Variants in PACRG observed in about 807,000 individuals in gnomAD.
The protein encoded by PACRG is parkin coregulated.
A neutral mutation model predicts 29.7 loss-of-function variants in PACRG; 29 were observed. The observed-to-expected ratio is 0.98, with a 90% CI of 0.73 to 1.33. The LOEUF is 1.33. PACRG is among the 40% of genes most tolerant of loss of function. PACRG has a pLI of 0.00. For synonymous variants in PACRG, 116 were observed against 118.7 expected (o/e 0.98, Z 0.15); for missense variants, 279 against 316.2 (o/e 0.88, Z 0.89).
intron 2 of PACRG, among the ~76,000 whole-genome samples, chr6:163,014,698 T>A (rs903746865): frequency 3.3e-5 from 5 of 152,102 alleles, no homozygotes; most frequent in Admixed American, 2.6e-4. Flanking sequence ...TTAATGGGTT[T>A]ACTTGTTTTT....
chr6:163,146,365 G>A (rs1777804801), intron 4 of PACRG, among the ~76,000 whole-genome samples: 1 of 152,172 alleles, frequency 6.6e-6, no homozygotes, highest in Admixed American at 6.5e-5. Flanking sequence ...AAGTCAAGTT[G>A]ATCATCTGAA....
chr6:163,241,346 A>G (rs1221432485), intron 4 of PACRG, among the ~76,000 whole-genome samples: 1 of 152,232 alleles, frequency 6.6e-6, no homozygotes, highest in African/African-American at 2.4e-5. Context: ...ACACACCAAG[A>G]AAAGCAGAAA....
Position 162,814,169 on chromosome 6 carries a change from G to C in PACRG, c.179G>C (p.Gly60Ala), listed in dbSNP as rs1359782704. The C allele has an allele frequency of 6.2e-7, 1 of 1,612,168 alleles. No individual in the cohort carries two copies. The highest frequency in any genetic ancestry group is 1.1e-5 in the South Asian group (1 of 90,934). Residue 60 changes from glycine to alanine, a missense_variant, in exon 2 of 5, where the codon GGG becomes GCG. By Grantham distance (60) the Gly-to-Ala change is moderately conservative. Transcript: ENST00000366888. The part of the protein sequence containing the change: ...NSVVRGPPAA[G>A]AFKERPTKPT... ...AAGGTGAGAGGCCCTCCAGCTGCAG[G>C]GGCATTTAAAGAAAGACCAACCAAG...
At chr6:163,196,366 C>T (rs1780453445) in intron 4 of PACRG, among the ~76,000 whole-genome samples, 1 of 152,176 alleles carries the variant, frequency 6.6e-6, no homozygotes, top group Non-Finnish European at 1.5e-5. Flanking sequence ...AACATGTATC[C>T]GCTCCAAGAC....
intron 4 of PACRG, among the ~76,000 whole-genome samples, chr6:163,140,183 T>C (rs971703810): frequency 6.6e-6 from 1 of 152,150 alleles, no homozygotes; most frequent in Non-Finnish European, 1.5e-5. Flanking sequence ...CAATGATGGA[T>C]AAACCATTGC....
intron 4 of PACRG, among the ~76,000 whole-genome samples, chr6:163,261,847 G>T (rs1783338210): frequency 6.6e-6 from 1 of 152,160 alleles, no homozygotes; most frequent in Non-Finnish European, 1.5e-5. Context: ...GTTGTGCAGG[G>T]GTTATACGCA....
intron 4 of PACRG, among the ~76,000 whole-genome samples, chr6:163,302,626 A>G (rs73603739): frequency 0.011 from 1,721 of 152,290 alleles, 46 homozygotes; most frequent in African/African-American, 0.04. Flanking sequence ...CCACTCTGTA[A>G]AATATCCAGC....
At chr6:162,962,885 G>A (rs1012342034) in intron 2 of PACRG, among the ~76,000 whole-genome samples, 10 of 152,144 alleles carry the variant, frequency 6.6e-5, no homozygotes, top group Admixed American at 2.0e-4. Flanking sequence ...GACGATGAAC[G>A]TGCCTCTGTT....
intron 2 of PACRG, among the ~76,000 whole-genome samples, chr6:162,995,285 G>T (rs1157085877): frequency 1.3e-5 from 2 of 149,882 alleles, no homozygotes; most frequent in South Asian, 4.3e-4. Flanking sequence ...CGAGCTTCCC[G>T]GCTGCTTTGT....
intron 2 of PACRG, among the ~76,000 whole-genome samples, chr6:162,909,554 CAAAAAA>C (rs562001835): frequency 3.1e-4 from 22 of 70,090 alleles, no homozygotes; most frequent in African/African-American, 1.1e-3. Flanking sequence ...GACTCCATCT[CAAAAAA>C]AAAAAAAAAA....
chr6:162,791,136 A>T (rs28416667), intron 1 of PACRG, among the ~76,000 whole-genome samples: 1 of 152,216 alleles, frequency 6.6e-6, no homozygotes, highest in Non-Finnish European at 1.5e-5. Context: ...ACACAACTCA[A>T]GGTATGTCTT....
chr6:162,941,002 GT>G (rs1293877953), intron 2 of PACRG, among the ~76,000 whole-genome samples: 1 of 151,768 alleles, frequency 6.6e-6, no homozygotes, highest in Non-Finnish European at 1.5e-5. Flanking sequence ...TGGCATGTGT[GT>G]TTGTGTGTGT....
intron 3 of PACRG, among the ~76,000 whole-genome samples, chr6:163,084,709 T>C (rs485054): frequency 0.3 from 45,199 of 151,316 alleles, 7,303 homozygotes; most frequent in East Asian, 0.57. Flanking sequence ...CTAATCTATG[T>C]CCTAATAGTT....
chr6:163,217,030 GC>G (rs1189263837), intron 4 of PACRG, among the ~76,000 whole-genome samples: 2 of 152,180 alleles, frequency 1.3e-5, no homozygotes, highest in Non-Finnish European at 2.9e-5. Context: ...CCACCAGCAC[GC>G]CTTTGCAAGT....
chr6:162,739,863 AAT>A (rs1554269805), intron 1 of PACRG, among the ~76,000 whole-genome samples: 3 of 146,244 alleles, frequency 2.1e-5, no homozygotes, highest in African/African-American at 5.2e-5. Flanking sequence ...AAAAAAAAAA[AAT>A]TGCCTAGTTT....
chr6:162,794,089 C>T (rs1342009649), intron 1 of PACRG, among the ~76,000 whole-genome samples: 1 of 152,134 alleles, frequency 6.6e-6, no homozygotes, highest in African/African-American at 2.4e-5. Flanking sequence ...CTCAAACTAG[C>T]AGGAATGAGA....
At chr6:162,794,512 C>T (rs746877888) in intron 1 of PACRG, among the ~76,000 whole-genome samples, 4 of 152,050 alleles carry the variant, frequency 2.6e-5, no homozygotes, top group East Asian at 1.9e-4. Flanking sequence ...CTTAAGAAAT[C>T]GTTGTCTATC....
chr6:163,190,791 C>T (rs748981962), intron 4 of PACRG: 5 of 332,980 alleles, frequency 1.5e-5, no homozygotes, highest in South Asian at 2.5e-5. Flanking sequence ...TCTGTGAGCC[C>T]GCTCCAAAGA....
At chr6:163,305,220 A>G (rs1004612852) in intron 4 of PACRG, among the ~76,000 whole-genome samples, 3 of 152,200 alleles carry the variant, frequency 2.0e-5, no homozygotes, top group African/African-American at 7.2e-5. Context: ...CCTGAAGGAA[A>G]CCCAGAGACT....
Sources: gnomAD v4.1 joint callset for allele counts (sites outside exome capture counted in the v4.1 genomes callset) on GRCh38, gnomAD v4.1.1 for gene constraint, MANE v1.5 for transcripts, NCBI Gene and HGNC (gene_info 2026-07-23, HGNC 2026-07-21) for gene names.